Variants in MAN1C1 observed in about 807,000 individuals in gnomAD.
MAN1C1 encodes mannosidase alpha class 1C member 1, also known as mannosyl-oligosaccharide 1,2-alpha-mannosidase IC.
In MAN1C1, 49 loss-of-function variants were observed where a neutral mutation model predicts 71.5. That is an observed-to-expected ratio of 0.69 (90% CI 0.54 to 0.87). MAN1C1 has a LOEUF of 0.87. Ranked by LOEUF, MAN1C1 falls within the 40% of genes least tolerant of loss-of-function variation. MAN1C1 has a pLI of 0.00. For synonymous variants in MAN1C1, 352 were observed against 343.7 expected, an observed-to-expected ratio of 1.02 and a Z score of -0.27; for missense variants, 743 against 835.0, an observed-to-expected ratio of 0.89 and a Z score of 1.36.
intron 1 of MAN1C1, among the ~76,000 whole-genome samples, chr1:25,685,592 G>A (rs556978146): frequency 1.1e-4 from 16 of 152,356 alleles, no homozygotes; most frequent in Middle Eastern, 3.4e-3. Context: ...AGGTGCTGGC[G>A]TGACGCTCCT....
At chr1:25,684,074 C>G (rs2046193769) in intron 1 of MAN1C1, among the ~76,000 whole-genome samples, 1 of 152,134 alleles carries the variant, frequency 6.6e-6, no homozygotes, top group Non-Finnish European at 1.5e-5. Flanking sequence ...ACACCCACTT[C>G]TCTCTCTCTA....
intron 9 of MAN1C1, among the ~76,000 whole-genome samples, chr1:25,780,203 C>T (rs1470311323): frequency 1.3e-5 from 2 of 152,150 alleles, no homozygotes; most frequent in African/African-American, 4.8e-5. Context: ...ATTAAAGCAC[C>T]CAGCACGGCC....
intron 1 of MAN1C1, among the ~76,000 whole-genome samples, chr1:25,673,871 A>G (rs1188360714): frequency 2.0e-5 from 3 of 152,220 alleles, no homozygotes; most frequent in Non-Finnish European, 4.4e-5. Flanking sequence ...GTAAGGCTCA[A>G]ATGAAAAAGG....
intron 1 of MAN1C1, among the ~76,000 whole-genome samples, chr1:25,628,010 G>C (rs909866212): frequency 2.6e-5 from 4 of 152,154 alleles, no homozygotes; most frequent in Non-Finnish European, 5.9e-5. Context: ...TTGCAACACT[G>C]TACTCCAGCC....
chr1:25,623,199 C>T (rs898137398), intron 1 of MAN1C1, among the ~76,000 whole-genome samples: 5 of 152,212 alleles, frequency 3.3e-5, no homozygotes, highest in African/African-American at 1.2e-4. Context: ...TACGCCTCCT[C>T]CTTCCGTAGG....
Position 25,627,423 on chromosome 1 carries a change from A to T in MAN1C1, c.540+9086A>T, listed in dbSNP as rs2045314138. 2.0e-5 allele frequency among the ~76,000 whole-genome samples: 3 copies of T among 152,036 alleles called. No homozygotes were observed. In the South Asian group the frequency reaches 6.2e-4, roughly 32 times the overall value. On this transcript the variant is annotated intron_variant, in intron 1 of 11. Transcript: ENST00000374332. ...CCAAGTAGCTGAGACTACAGGCATG[A>T]GCCACCACGCCCAACTAATTTTTGT...
chr1:25,697,866 C>A (rs1401811827), intron 2 of MAN1C1, among the ~76,000 whole-genome samples: 3 of 152,182 alleles, frequency 2.0e-5, no homozygotes, highest in Non-Finnish European at 4.4e-5. Context: ...ATTCTAGTTG[C>A]CCCATTATCC....
At chr1:25,677,732 A>T (rs763407280) in intron 1 of MAN1C1, among the ~76,000 whole-genome samples, 4 of 149,372 alleles carry the variant, frequency 2.7e-5, no homozygotes, top group Non-Finnish European at 5.9e-5. Flanking sequence ...AGAATAGATG[A>T]TGTTTCTGGT....
chr1:25,625,810 G>A (rs1212884481), intron 1 of MAN1C1, among the ~76,000 whole-genome samples: 1 of 152,100 alleles, frequency 6.6e-6, no homozygotes, highest in Non-Finnish European at 1.5e-5. Context: ...GACAGAGGGA[G>A]ACCCTGTCTC....
chr1:25,623,459 G>A (rs1241405440), intron 1 of MAN1C1, among the ~76,000 whole-genome samples: 1 of 151,902 alleles, frequency 6.6e-6, no homozygotes, highest in South Asian at 2.1e-4. Flanking sequence ...GGTGGTGGGG[G>A]GGGGTAAGAA....
rs1444633896 is a variant in MAN1C1 at position 25,618,038 on chromosome 1, C to T, written c.241C>T (p.Pro81Ser). Residue 81 changes from proline (P) to serine (S), a missense_variant, in exon 1 of 12, where the codon CCT becomes TCT. Transcript: ENST00000374332. ...TGCCCCGGCCCGCGAGCAGGAGCCG[C>T]CTCCCAACCCGGCCCCCGCCGCGCC... ...GHAPAREQEP[P>S]PNPAPAAPAP... 1.9e-6 allele frequency: 3 copies of T among 1,585,318 alleles called. No homozygotes were observed. Among genetic ancestry groups the T allele is most frequent in the Non-Finnish European group, 2.6e-6 (3 of 1,169,698 alleles).
chr1:25,717,401 A>G (rs2046695277), intron 2 of MAN1C1, among the ~76,000 whole-genome samples: 1 of 152,064 alleles, frequency 6.6e-6, no homozygotes, highest in African/African-American at 2.4e-5. Context: ...GCATGCCTGT[A>G]GCCCCAGCTA....
intron 2 of MAN1C1, among the ~76,000 whole-genome samples, chr1:25,706,549 A>G (rs937261622): frequency 3.9e-5 from 6 of 152,128 alleles, no homozygotes; most frequent in Non-Finnish European, 8.8e-5. Flanking sequence ...AGGCCATTCT[A>G]GGGAGAGTTG....
chr1:25,693,127 T>C (rs900952137), intron 2 of MAN1C1, among the ~76,000 whole-genome samples: 5 of 152,248 alleles, frequency 3.3e-5, no homozygotes, highest in African/African-American at 1.2e-4. Context: ...TTTTGTATGT[T>C]CTGTGTATTA....
chr1:25,693,580 G>A (rs910960368), intron 2 of MAN1C1, among the ~76,000 whole-genome samples: 5 of 152,174 alleles, frequency 3.3e-5, no homozygotes, highest in African/African-American at 9.7e-5. Flanking sequence ...ACAGTAAGCC[G>A]AGATTGCCCC....
chr1:25,619,152 C>T (rs1413621883), intron 1 of MAN1C1, among the ~76,000 whole-genome samples: 1 of 152,180 alleles, frequency 6.6e-6, no homozygotes, highest in Non-Finnish European at 1.5e-5. Flanking sequence ...GCCAGCTTGC[C>T]ACTGCCACTA....
chr1:25,654,249 G>A (rs563889641), intron 1 of MAN1C1: 7 of 152,326 alleles, frequency 4.6e-5, no homozygotes, highest in African/African-American at 1.7e-4. Context: ...TAGACACAGC[G>A]GTCCTGGGGT....
intron 2 of MAN1C1, among the ~76,000 whole-genome samples, chr1:25,745,338 T>C (rs1475112722): frequency 4.9e-5 from 1 of 20,242 alleles, no homozygotes; most frequent in Non-Finnish European, 1.8e-4. Context: ...TTCTTTCCTT[T>C]TTTTTTTTTA....
chr1:25,721,210 C>T (rs574288560), intron 2 of MAN1C1, among the ~76,000 whole-genome samples: 4 of 152,222 alleles, frequency 2.6e-5, no homozygotes, highest in African/African-American at 9.6e-5. Flanking sequence ...TTGTCTCAAA[C>T]TCCTAGCTTC....
Sources: allele counts gnomAD v4.1 joint callset (sites outside exome capture counted in the v4.1 genomes callset), GRCh38; gene constraint gnomAD v4.1.1; transcripts MANE v1.5; gene names NCBI Gene and HGNC (gene_info 2026-07-23, HGNC 2026-07-21).